Variants in ZNF462 observed in about 807,000 individuals in gnomAD.
ZNF462 encodes the protein zinc finger PBX1-interacting protein.
Under a neutral mutation model 201.9 loss-of-function variants are expected in ZNF462, and 10 were observed. That is an observed-to-expected ratio of 0.05 (90% confidence interval 0.03 to 0.08). The LOEUF is 0.08. Among genes scored for constraint, ZNF462 ranks in the 10% least tolerant of loss-of-function variants. The pLI is 1.00. For synonymous variants in ZNF462, 1,227 were observed against 1,193.3 expected (o/e 1.03, Z -0.58); for missense variants, 2,523 against 3,168.3 (o/e 0.80, Z 4.89).
Position 106,929,785 on chromosome 9 carries a change from C to A in ZNF462, c.5847+26C>A, listed in dbSNP as rs750678422. Reference sequence around the variant, plus strand: ...GTAAGGATATGTTTTGATTTCCCTTCCCCCAGGAGGCCTCTCATCACTGGT... The same window carrying A: ...GTAAGGATATGTTTTGATTTCCCTTACCCCAGGAGGCCTCTCATCACTGGT... On this transcript the variant is annotated intron_variant, in intron 3 of 12. Transcript: ENST00000277225. The surrounding 1 kb of genome is among the most constrained non-coding windows in gnomAD (Gnocchi z 8.7). 27 of 1,575,850 alleles carry A rather than the reference C, an allele frequency of 1.7e-5. No homozygotes were observed. The highest frequency in any genetic ancestry group is 3.5e-5 in the Admixed American group (2 of 57,962).
Position 106,863,175 on chromosome 9 carries a change from G to A in ZNF462, c.-211G>A. ...CATCTGCAGCTGCAGCGAGTCTGAG[G>A]AGCCGAGGAAGGCAGGGAAGATGGC... is the stretch of plus-strand genomic sequence containing the variant. On this transcript the variant is annotated 5_prime_UTR_variant, in exon 1 of 13. Transcript: ENST00000277225. The A allele has an allele frequency of 2.5e-6, 1 of 399,312 alleles. No homozygotes were observed. Among genetic ancestry groups the A allele is most frequent in the Non-Finnish European group, 4.4e-6 (1 of 226,382 alleles). 24.7% of individuals were successfully genotyped at this position (399,312 alleles called of 1,614,324 possible).
chr9:106,924,943 C>G lies in ZNF462; in HGVS notation c.1031C>G (p.Pro344Arg). ...SASKFSPMSY[P>R]QMKPKSPHNS... ...TCCAAGTTTTCGCCCATGTCTTACC[C>G]TCAGATGAAGCCGAAGTCACCTCAC... Residue 344 changes from proline (P) to arginine (R), a missense_variant, in exon 3 of 13, where the codon CCT (proline) becomes CGT (arginine). Pro to Arg is a moderately radical substitution (Grantham distance 103). Around this residue, in one of 15 missense-constraint regions of ZNF462, gnomAD observed 480 missense variants for 544.4 expected, o/e 0.88. Coordinates refer to ENST00000277225, the MANE Select transcript of ZNF462 (RefSeq NM_021224.6). The surrounding 1 kb of genome is among the most constrained non-coding windows in gnomAD (Gnocchi z 6.2). 1 of 1,614,172 alleles carries G rather than the reference C, an allele frequency of 6.2e-7. No homozygotes were observed. The highest frequency in any genetic ancestry group is 1.1e-5 in the South Asian group (1 of 91,072).
At chr9:107,004,963 T>C (rs916071306) in intron 11 of ZNF462, among the ~76,000 whole-genome samples, 2 of 152,266 alleles carry the variant, frequency 1.3e-5, no homozygotes, top group Non-Finnish European at 2.9e-5. Context: ...CATGCAGTAT[T>C]TGTGCCTGCC....
At chr9:106,943,915 G>C (rs1168657743) in intron 7 of ZNF462, among the ~76,000 whole-genome samples, 9 of 152,088 alleles carry the variant, frequency 5.9e-5, no homozygotes, top group African/African-American at 2.2e-4. Flanking sequence ...TGAAACCTTA[G>C]GGAATGCTCT....
At chr9:106,882,717 A>C (rs1450729999) in intron 1 of ZNF462, among the ~76,000 whole-genome samples, 4 of 152,194 alleles carry the variant, frequency 2.6e-5, no homozygotes, top group Non-Finnish European at 4.4e-5. Flanking sequence ...TCAAACTCGA[A>C]TATTCAGTGA....
chr9:107,003,789 C>T lies in ZNF462; in HGVS notation c.7189+363C>T, dbSNP rs1283643241. On this transcript the variant is annotated intron_variant, in intron 11 of 12. Transcript: ENST00000277225. This position sits in a 1 kb window ranked among gnomAD's most constrained non-coding sequence, Gnocchi z 4.4. ...GCTCTAGAGGAATGAGAATGAACTTCCAGTTGAATGCATATTTAAAATTGC... is the reference window on the plus strand; with the variant it reads ...GCTCTAGAGGAATGAGAATGAACTTTCAGTTGAATGCATATTTAAAATTGC... Among the ~76,000 whole-genome samples, 1 of 152,102 alleles carries T rather than the reference C, an allele frequency of 6.6e-6. No homozygotes were observed. The highest frequency in any genetic ancestry group is 6.6e-5 in the Admixed American group (1 of 15,260).
intron 5 of ZNF462, among the ~76,000 whole-genome samples, chr9:106,934,400 G>A (rs746895120): frequency 9.9e-5 from 15 of 152,052 alleles, no homozygotes; most frequent in Non-Finnish European, 5.9e-5. Flanking sequence ...GAATGGATTT[G>A]CCTGACTTGG....
At chr9:106,864,014 A>G (rs1827175727) in intron 1 of ZNF462, among the ~76,000 whole-genome samples, 1 of 130,940 alleles carries the variant, frequency 7.6e-6, no homozygotes, top group African/African-American at 2.9e-5. Context: ...GCGGATTGGC[A>G]GCCCCCCTCT....
At chr9:106,863,120 G>A (rs1040250560), upstream of ZNF462, 2 of 398,460 alleles carry the variant, frequency 5.0e-6, no homozygotes, top group Non-Finnish European at 8.8e-6. Flanking sequence ...GGGAGAGAGA[G>A]AGAGAGGGAG....
Position 106,925,922 on chromosome 9 carries a change from T to C in ZNF462, c.2010T>C (p.Asn670=). The C allele has an allele frequency of 6.2e-7, 1 of 1,614,060 alleles. No individual in the cohort carries two copies. Among genetic ancestry groups the C allele is most frequent in the Non-Finnish European group, 8.5e-7 (1 of 1,180,038 alleles). Residue 670 remains asparagine (N), a synonymous_variant, in exon 3 of 13, where the codon AAT becomes AAC. Transcript: ENST00000277225. The surrounding 1 kb of genome is among the most constrained non-coding windows in gnomAD (Gnocchi z 7.9). ...TTCTTGGGTTGTCCTCCAAGAACAA[T>C]TTTGTAGCTAAAGCCTCTAGGAAGC... ...TSILGLSSKN[N]FVAKASRKLA...
chr9:106,971,425 C>T (rs1329630020), intron 7 of ZNF462, among the ~76,000 whole-genome samples: 1 of 151,640 alleles, frequency 6.6e-6, no homozygotes, highest in African/African-American at 2.4e-5. Context: ...TCTTCCTACA[C>T]TTTGAAACCT....
Position 106,899,606 on chromosome 9 carries a change from G to T in ZNF462, c.-30-23748G>T, listed in dbSNP as rs966157854. 2.0e-5 allele frequency among the ~76,000 whole-genome samples: 3 copies of T among 152,272 alleles called. No homozygotes were observed. The South Asian group carries it at 6.2e-4, about 32-fold the overall frequency. On this transcript the variant is annotated intron_variant, in intron 1 of 12. Transcript: ENST00000277225. Reference sequence around the variant, plus strand: ...AACTATGTGAACATCAGATTACTGGGTGGAGTTGAGACCATGAATTTGCAG... The same window carrying T: ...AACTATGTGAACATCAGATTACTGGTTGGAGTTGAGACCATGAATTTGCAG...
At position 106,905,819 on chromosome 9, in the gene ZNF462, C is replaced by T. The variant is rs1035877087; in HGVS notation, c.-30-17535C>T. Among the ~76,000 whole-genome samples the T allele has an allele frequency of 3.3e-5, 5 of 152,204 alleles. No homozygotes were observed. Among genetic ancestry groups the T allele is most frequent in the Admixed American group, 6.5e-5 (1 of 15,286 alleles). ...TTGAAAATTTCTCTGAGGCTACGCA[C>T]CTCCCAGCTGCGAGAAAAAAGAGTT... On this transcript the variant is annotated intron_variant, in intron 1 of 12. Transcript: ENST00000277225. This position sits in a 1 kb window ranked among gnomAD's most constrained non-coding sequence, Gnocchi z 5.9.
At position 106,923,853 on chromosome 9, in the gene ZNF462, TA is replaced by T. The variant is rs1441522180; in HGVS notation, c.220+251del. On this transcript the variant is annotated intron_variant, in intron 2 of 12. Transcript: ENST00000277225. The surrounding 1 kb of genome is among the most constrained non-coding windows in gnomAD (Gnocchi z 5.6). ...GTTGCTTGGAAAGTTCTAGAAAAAGTAGTACAATTTATGCAACTTGTATTTT... is the reference window on the plus strand; with the variant it reads ...GTTGCTTGGAAAGTTCTAGAAAAAGTGTACAATTTATGCAACTTGTATTTT... Among the ~76,000 whole-genome samples, 3 of 152,210 alleles carry T rather than the reference TA, an allele frequency of 2.0e-5. No homozygotes were observed. The highest frequency in any genetic ancestry group is 2.9e-5 in the Non-Finnish European group (2 of 68,052).
chr9:106,932,581 C>T lies in ZNF462; in HGVS notation c.6116+32C>T. 6.2e-7 allele frequency: 1 copy of T among 1,614,100 alleles called. No individual in the cohort carries two copies. The highest frequency in any genetic ancestry group is 2.2e-5 in the East Asian group (1 of 44,878). On this transcript the variant is annotated intron_variant, in intron 5 of 12. Coordinates refer to ENST00000277225, the MANE Select transcript of ZNF462 (RefSeq NM_021224.6). This position sits in a 1 kb window ranked among gnomAD's most constrained non-coding sequence, Gnocchi z 6.8. ...GCTATTGGGGGGTCACTAGTGGTTA[C>T]TGGGAGATGATGTCATAGTGGAAGG...
In ZNF462 at chr9:106,930,995, C is replaced by T. The variant is rs1830401462; in HGVS notation, c.6012+306C>T. 4.0e-6 allele frequency: 1 copy of T among 247,768 alleles called. No individual in the cohort carries two copies. The highest frequency in any genetic ancestry group is 8.0e-5 in the East Asian group (1 of 12,532). 15.3% of individuals were successfully genotyped at this position (247,768 alleles called of 1,614,324 possible). ...TCTATTCTGCGTTTAGTGCCATTAG[C>T]TCTTCGTTCTTCCAAGTTGCCCGAG... On this transcript the variant is annotated intron_variant, in intron 4 of 12. Coordinates refer to ENST00000277225, the MANE Select transcript of ZNF462 (RefSeq NM_021224.6). This position sits in a 1 kb window ranked among gnomAD's most constrained non-coding sequence, Gnocchi z 5.8.
At chr9:106,960,455 T>G (rs904677894) in intron 7 of ZNF462, among the ~76,000 whole-genome samples, 5 of 152,086 alleles carry the variant, frequency 3.3e-5, no homozygotes, top group African/African-American at 9.7e-5. Context: ...GCCAAGTCAT[T>G]TATATAAAGA....
intron 1 of ZNF462, among the ~76,000 whole-genome samples, chr9:106,875,626 C>T (rs768907229): frequency 2.0e-5 from 3 of 152,066 alleles, no homozygotes; most frequent in South Asian, 4.1e-4. Flanking sequence ...TAAAAAAGAA[C>T]GTGTCATTAC....
intron 1 of ZNF462, among the ~76,000 whole-genome samples, chr9:106,867,712 C>G (rs1827403997): frequency 6.6e-6 from 1 of 152,084 alleles, no homozygotes; most frequent in Non-Finnish European, 1.5e-5. Flanking sequence ...GGTAAAGTTG[C>G]AATGGGAAAG....
Sources: allele counts gnomAD v4.1 joint callset (sites outside exome capture counted in the v4.1 genomes callset), GRCh38; gene constraint gnomAD v4.1.1; regional missense constraint gnomAD v4.1.1; non-coding constraint Gnocchi (gnomAD v3.1); transcripts MANE v1.5; gene names NCBI Gene and HGNC (gene_info 2026-07-23, HGNC 2026-07-21).